EIF2AK4: variants seen among roughly 807,000 people sequenced by gnomAD.
EIF2AK4 encodes eIF-2-alpha kinase GCN2.
Under a neutral mutation model 211.1 loss-of-function variants are expected in EIF2AK4, and 139 were observed. The ratio of observed to expected loss-of-function variants is 0.66; its 90% CI spans 0.57 to 0.76. The LOEUF is 0.76. EIF2AK4 is among the 30% of genes least tolerant of loss of function. The pLI, the probability that EIF2AK4 is intolerant of heterozygous loss-of-function variation, is 0.00. For missense variants in EIF2AK4, 1,664 were observed against 2,043.8 expected (o/e 0.81, Z 3.58); for synonymous variants, 710 against 751.3 (o/e 0.94, Z 0.90).
At chr15:39,993,800 C>T (rs890996002) in intron 18 of EIF2AK4, among the ~76,000 whole-genome samples, 4 of 152,192 alleles carry the variant, frequency 2.6e-5, no homozygotes, top group African/African-American at 4.8e-5. Flanking sequence ...CTGGCTGCTG[C>T]GAGGAGGCTC....
chr15:40,016,664 A>C lies in EIF2AK4; in HGVS notation c.3922A>C (p.Lys1308Gln). 6.2e-7 allele frequency: 1 copy of C among 1,614,056 alleles called. No homozygotes were observed. Residue 1308 changes from lysine to glutamine, a missense_variant, in exon 28 of 39, where the codon AAG (lysine) becomes CAG (glutamine). Physicochemically the swap from Lys to Gln is moderately conservative, Grantham distance 53. Coordinates refer to ENST00000263791, the MANE Select transcript of EIF2AK4 (RefSeq NM_001013703.4). The part of the protein sequence containing the change: ...VVGLLKKLGI[K>Q]LQVLINLGLV... ...TGGACTGTTGAAGAAACTCGGCATC[A>C]AGTTACAGGTTTGGCAACAGTTTGA...
In EIF2AK4 at chr15:40,035,013, CTTTT is replaced by C; in HGVS notation, c.4893-13_4893-10del. On this transcript the variant is annotated splice_polypyrimidine_tract_variant and intron_variant, in intron 38 of 38. Coordinates refer to ENST00000263791, the MANE Select transcript of EIF2AK4 (RefSeq NM_001013703.4). ...AACTGAGTCTGTCCTTATATCTTTT[CTTTT>C]CTTTTGCAGGGTGTCTGTGCTATTT... 6.3e-7 allele frequency: 1 copy of C among 1,575,404 alleles called. No individual in the cohort carries two copies. The highest frequency in any genetic ancestry group is 8.6e-7 in the Non-Finnish European group (1 of 1,162,546).
chr15:39,965,464 T>A (rs977460291), intron 7 of EIF2AK4, among the ~76,000 whole-genome samples: 3 of 152,164 alleles, frequency 2.0e-5, no homozygotes, highest in Non-Finnish European at 4.4e-5. Context: ...AAGATCTCAT[T>A]GTAGATTCTT....
intron 13 of EIF2AK4, among the ~76,000 whole-genome samples, chr15:39,984,148 G>A (rs2034832652): frequency 6.6e-6 from 1 of 152,222 alleles, no homozygotes. Context: ...GTTTGTCAAA[G>A]ATCAGATGGT....
At chr15:40,029,329 A>G in intron 33 of EIF2AK4, 77 bp from the exon 34 acceptor site, 1 of 1,576,376 alleles carries the variant, frequency 6.3e-7, no homozygotes, top group Non-Finnish European at 8.6e-7. Context: ...CTCACTATAC[A>G]TGTAGTTCAC....
chr15:40,020,933 G>T lies in EIF2AK4; in HGVS notation c.4208G>T (p.Ser1403Ile). 2 of 1,612,894 alleles carry T rather than the reference G, an allele frequency of 1.2e-6. No homozygotes were observed. The highest frequency in any genetic ancestry group is 4.5e-5 in the East Asian group (2 of 44,840). ...AGCTCTTGTGACCTCCTGGTTGTAAGTGTTGGCCAGATGTCTATGTCCAGG... is the reference window on the plus strand; with the variant it reads ...AGCTCTTGTGACCTCCTGGTTGTAATTGTTGGCCAGATGTCTATGTCCAGG... ...TISSCDLLVV[S>I]VGQMSMSRAI... Residue 1403 changes from serine (S) to isoleucine (I), a missense_variant, in exon 31 of 39, where the codon AGT (serine) becomes ATT (isoleucine). Physicochemically the swap from Ser to Ile is moderately radical, Grantham distance 142. Transcript: ENST00000263791.
At chr15:39,958,867 T>G (rs1413508653) in intron 6 of EIF2AK4, among the ~76,000 whole-genome samples, 1 of 152,090 alleles carries the variant, frequency 6.6e-6, no homozygotes, top group Non-Finnish European at 1.5e-5. Context: ...TAGTCCCCAC[T>G]TGAAAAATTG....
intron 23 of EIF2AK4, among the ~76,000 whole-genome samples, chr15:40,004,401 G>A (rs2035132606): frequency 6.6e-6 from 1 of 152,180 alleles, no homozygotes; most frequent in South Asian, 2.1e-4. Flanking sequence ...CCAATATTAT[G>A]GAATATTAAG....
chr15:39,990,634 A>G (rs1324338075), intron 16 of EIF2AK4, among the ~76,000 whole-genome samples: 1 of 152,236 alleles, frequency 6.6e-6, no homozygotes, highest in Non-Finnish European at 1.5e-5. Flanking sequence ...GGTGTACAGT[A>G]CTTTATGAAA....
chr15:40,027,493 TATG>T (rs1315330965), intron 33 of EIF2AK4, among the ~76,000 whole-genome samples: 1 of 152,216 alleles, frequency 6.6e-6, no homozygotes, highest in African/African-American at 2.4e-5. Context: ...TTGTTTGAAT[TATG>T]ATAATTTGGT....
intron 21 of EIF2AK4, among the ~76,000 whole-genome samples, chr15:40,002,232 A>G (rs1384084776): frequency 2.6e-5 from 4 of 152,140 alleles, no homozygotes; most frequent in Non-Finnish European, 5.9e-5. Context: ...TTGTTTCTAA[A>G]TTTTCTATAG....
In EIF2AK4 at chr15:39,961,823, T is replaced by A. The variant is rs2034476914; in HGVS notation, c.783T>A (p.Ser261=). The change falls in exon 7 of 39, where the codon TCT becomes TCA. Residue 261 remains serine, a synonymous_variant. Transcript: ENST00000263791. ...RQYSVCNSED[S]PGSCEILYFN... is the part of the protein sequence containing the mutation. ...ATTCTGTATGTAATAGTGAAGATTC[T>A]CCTGGCTCTTGTGAAATTCTGTATT... 1.2e-6 allele frequency: 2 copies of A among 1,614,070 alleles called. No individual in the cohort carries two copies. Among genetic ancestry groups the A allele is most frequent in the African/African-American group, 2.7e-5 (2 of 74,938 alleles).
At chr15:39,951,062 T>C (rs1464043085) in intron 4 of EIF2AK4, among the ~76,000 whole-genome samples, 5 of 152,208 alleles carry the variant, frequency 3.3e-5, no homozygotes, top group African/African-American at 1.2e-4. Context: ...CTCACAGTCA[T>C]ATATGTAGGT....
At chr15:39,953,655 CAT>C (rs2034350827) in intron 4 of EIF2AK4, among the ~76,000 whole-genome samples, 1 of 152,194 alleles carries the variant, frequency 6.6e-6, no homozygotes, top group Non-Finnish European at 1.5e-5. Context: ...CACATAGAAA[CAT>C]GAAGAATGGG....
chr15:39,970,448 A>C (rs1471188917), intron 9 of EIF2AK4, among the ~76,000 whole-genome samples: 1 of 152,204 alleles, frequency 6.6e-6, no homozygotes, highest in East Asian at 1.9e-4. Flanking sequence ...CATTTTGTGA[A>C]AATGTGAAAA....
chr15:40,001,854 A>C (rs1333470502), intron 21 of EIF2AK4, among the ~76,000 whole-genome samples: 1 of 152,116 alleles, frequency 6.6e-6, no homozygotes, highest in African/African-American at 2.4e-5. Context: ...GGCATTTCAG[A>C]ATCTCATTAA....
In EIF2AK4 at chr15:40,016,557, C is replaced by T. The variant is rs190199769; in HGVS notation, c.3815C>T (p.Pro1272Leu). 25 of 1,614,070 alleles carry T rather than the reference C, an allele frequency of 1.5e-5. No homozygotes were observed. In the Admixed American group the frequency reaches 2.0e-4, roughly 13 times the overall value. The change falls in exon 28 of 39, where the codon CCA becomes CTA. Residue 1272 changes from proline to leucine, a missense_variant. By Grantham distance (98) the Pro-to-Leu change is moderately conservative. Transcript: ENST00000263791. ...EQKGDLQDLM[P>L]TINSLIKQKT... The stretch of plus-strand genomic sequence containing the variant: ...AAGGGAGATTTGCAAGATCTTATGC[C>T]AACAATAAATTCATTAATAAAACAG...
chr15:39,959,377 C>G (rs937143741), intron 6 of EIF2AK4, among the ~76,000 whole-genome samples: 1 of 152,200 alleles, frequency 6.6e-6, no homozygotes, highest in South Asian at 2.1e-4. Context: ...TTGCATTTGT[C>G]TCTTTATTCC....
At chr15:39,964,679 C>G (rs2034519153) in intron 7 of EIF2AK4, among the ~76,000 whole-genome samples, 1 of 151,998 alleles carries the variant, frequency 6.6e-6, no homozygotes, top group African/African-American at 2.4e-5. Context: ...TTCTCCTTTT[C>G]CAATTTTTTA....
Sources: allele counts gnomAD v4.1 joint callset (sites outside exome capture counted in the v4.1 genomes callset), GRCh38; gene constraint gnomAD v4.1.1; transcripts MANE v1.5; gene names NCBI Gene and HGNC (gene_info 2026-07-23, HGNC 2026-07-21).